The following DCLK1 variants were observed in gnomAD, a reference collection of about 807,000 sequenced individuals.
DCLK1 encodes serine/threonine-protein kinase DCLK1.
Under a neutral mutation model 86.2 loss-of-function variants are expected in DCLK1, and 16 were observed. That is an observed-to-expected ratio of 0.19 (90% confidence interval 0.13 to 0.28). DCLK1 has a LOEUF of 0.28. Among genes scored for constraint, DCLK1 ranks in the 10% least tolerant of loss-of-function variants. DCLK1 has a pLI of 1.00. For synonymous variants in DCLK1, 369 were observed against 370.5 expected, an observed-to-expected ratio of 1.00 and a Z score of 0.05; for missense variants, 590 against 940.2, an observed-to-expected ratio of 0.63 and a Z score of 4.87.
At chr13:36,119,101 G>C (rs980520803) in intron 2 of DCLK1, among the ~76,000 whole-genome samples, 5 of 152,124 alleles carry the variant, frequency 3.3e-5, no homozygotes, top group African/African-American at 1.2e-4. Context: ...TGGAACATGA[G>C]AGAAAGAATG....
chr13:35,856,260 T>C (rs1404382783), intron 5 of DCLK1, among the ~76,000 whole-genome samples: 1 of 152,166 alleles, frequency 6.6e-6, no homozygotes, highest in Non-Finnish European at 1.5e-5. Context: ...CTTTGCTGAG[T>C]GAACTTCACG....
chr13:36,083,702 T>C (rs1018684447), intron 3 of DCLK1, among the ~76,000 whole-genome samples: 25 of 152,320 alleles, frequency 1.6e-4, no homozygotes, highest in African/African-American at 6.0e-4. Flanking sequence ...AGTTTTCCCA[T>C]TCATTTTTTA....
rs1210704864 is a variant in DCLK1 at position 36,025,512 on chromosome 13, G to A, written c.724-78055C>T. ...TCATTGATTAATTGATAAACAAAAC[G>A]TGGTATATTTATTCAGTGGAATGTT... On this transcript the variant is annotated intron_variant, in intron 3 of 16. Transcript: ENST00000360631. 3.9e-5 allele frequency among the ~76,000 whole-genome samples: 6 copies of A among 152,278 alleles called. No homozygotes were observed. The South Asian group carries it at 6.2e-4, about 16-fold the overall frequency.
chr13:35,880,016 A>G (rs1189854924), intron 4 of DCLK1, among the ~76,000 whole-genome samples: 1 of 152,188 alleles, frequency 6.6e-6, no homozygotes, highest in African/African-American at 2.4e-5. Flanking sequence ...GGGGCCCTCA[A>G]TTAACTCTTA....
chr13:35,795,079 C>A (rs1428282784), intron 15 of DCLK1, among the ~76,000 whole-genome samples: 4 of 152,172 alleles, frequency 2.6e-5, no homozygotes, highest in African/African-American at 7.2e-5. Context: ...CTGGATGGCT[C>A]AGCTAGATTC....
intron 13 of DCLK1, among the ~76,000 whole-genome samples, 178 bp from the exon 14 acceptor site, chr13:35,808,498 T>C (rs969286011): frequency 1.3e-5 from 2 of 152,154 alleles, no homozygotes; most frequent in African/African-American, 4.8e-5. Context: ...GAAAGAGTTT[T>C]TGGGCCGGGT....
chr13:36,091,227 T>C (rs1884815897), intron 3 of DCLK1, among the ~76,000 whole-genome samples: 1 of 152,158 alleles, frequency 6.6e-6, no homozygotes, highest in Non-Finnish European at 1.5e-5. Context: ...TTTGTTGCAA[T>C]TGCTTTTGGT....
intron 3 of DCLK1, 116 bp from the exon 4 acceptor site, chr13:35,947,573 C>A: frequency 1.5e-6 from 1 of 667,744 alleles, no homozygotes. Context: ...ATCAACAGGG[C>A]AGCTTCCACA....
intron 3 of DCLK1, among the ~76,000 whole-genome samples, chr13:36,000,123 T>C (rs1285914526): frequency 2.0e-5 from 3 of 152,194 alleles, no homozygotes; most frequent in African/African-American, 7.2e-5. Context: ...GCCTGCCCTA[T>C]TCCCTCAGTT....
Position 35,836,437 on chromosome 13 carries a change from A to G in DCLK1, c.1121-296T>C, listed in dbSNP as rs116412190. Reference sequence around the variant, plus strand: ...CTCAGGAGGAAGCTTTGCTCCTTTTACTTCACGCCAATTTGATCAATAGTG... The same window carrying G: ...CTCAGGAGGAAGCTTTGCTCCTTTTGCTTCACGCCAATTTGATCAATAGTG... On this transcript the variant is annotated intron_variant, in intron 7 of 16. Coordinates refer to ENST00000360631, the MANE Select transcript of DCLK1 (RefSeq NM_001330071.2). Among the ~76,000 whole-genome samples the G allele has an allele frequency of 3.0e-3, 454 of 152,310 alleles. 4 individuals are homozygous for G. Among genetic ancestry groups the G allele is most frequent in the African/African-American group, 0.01 (429 of 41,572 alleles).
intron 4 of DCLK1, among the ~76,000 whole-genome samples, chr13:35,878,775 T>C (rs1429339236): frequency 6.8e-6 from 1 of 147,158 alleles, no homozygotes; most frequent in Non-Finnish European, 1.5e-5. Flanking sequence ...ACACTTACTA[T>C]GTAACCATAA....
chr13:35,991,984 A>G (rs1183103796), intron 3 of DCLK1, among the ~76,000 whole-genome samples: 1 of 152,184 alleles, frequency 6.6e-6, no homozygotes, highest in Non-Finnish European at 1.5e-5. Flanking sequence ...AAAAGCCTAA[A>G]TGACATATTT....
At chr13:35,987,752 G>C (rs1422576792) in intron 3 of DCLK1, among the ~76,000 whole-genome samples, 2 of 152,182 alleles carry the variant, frequency 1.3e-5, no homozygotes, top group Non-Finnish European at 2.9e-5. Flanking sequence ...AGCCAAGATA[G>C]AGTCCCAGTC....
At chr13:36,069,449 G>C (rs1371029335) in intron 3 of DCLK1, among the ~76,000 whole-genome samples, 1 of 152,146 alleles carries the variant, frequency 6.6e-6, no homozygotes. Context: ...AATTGATTTT[G>C]TTTTTCACCC....
At chr13:35,926,923 C>A (rs1216140317) in intron 4 of DCLK1, among the ~76,000 whole-genome samples, 2 of 152,200 alleles carry the variant, frequency 1.3e-5, no homozygotes, top group African/African-American at 4.8e-5. Context: ...TAGGCTGATG[C>A]TGATGTACTG....
chr13:35,948,209 G>T (rs181666032), intron 3 of DCLK1, among the ~76,000 whole-genome samples: 2 of 152,184 alleles, frequency 1.3e-5, no homozygotes, highest in African/African-American at 4.8e-5. Flanking sequence ...CAAGCATCTT[G>T]CTCTCTGTCT....
chr13:35,997,405 T>C (rs149661784), intron 3 of DCLK1, among the ~76,000 whole-genome samples: 55 of 152,342 alleles, frequency 3.6e-4, no homozygotes, highest in Non-Finnish European at 6.8e-4. Flanking sequence ...AAACTTGCTT[T>C]GGAGGCAAAG....
At position 35,771,113 on chromosome 13, in the gene DCLK1, A is replaced by C. The variant is rs1475887502; in HGVS notation, c.*3422T>G. 6.6e-6 allele frequency: 1 copy of C among 152,208 alleles called. No individual in the cohort carries two copies. Among genetic ancestry groups the C allele is most frequent in the Admixed American group, 6.5e-5 (1 of 15,284 alleles). 9.4% of individuals were successfully genotyped at this position (152,208 alleles called of 1,614,324 possible). A position where few individuals can be genotyped will look rare whatever the true frequency, so the allele number is the denominator to read the frequency against. On this transcript the variant is annotated 3_prime_UTR_variant, in exon 17 of 17. Coordinates refer to ENST00000360631, the MANE Select transcript of DCLK1 (RefSeq NM_001330071.2). ...CGCCCTTGGCCAGTAAACAACCATG[A>C]TTTAATGTGCTTGAGACTTGGTCAT...
chr13:35,797,664 AAC>A lies in DCLK1; in HGVS notation c.1945-4187_1945-4186del, dbSNP rs146313598. Among the ~76,000 whole-genome samples, 175 of 150,946 alleles carry A rather than the reference AAC, an allele frequency of 1.2e-3. 3 individuals carry two copies. The highest frequency in any genetic ancestry group is 1.1e-3 in the Non-Finnish European group (71 of 67,580). Reference sequence around the variant, plus strand: ...GGAGTAGGTAAAACACATACATGTAAACACACACACACACACACCCCATGACA... The same window carrying A: ...GGAGTAGGTAAAACACATACATGTAAACACACACACACACACCCCATGACA... On this transcript the variant is annotated intron_variant, in intron 15 of 16. Coordinates refer to ENST00000360631, the MANE Select transcript of DCLK1 (RefSeq NM_001330071.2).
Sources: allele counts gnomAD v4.1 joint callset (sites outside exome capture counted in the v4.1 genomes callset), GRCh38; gene constraint gnomAD v4.1.1; transcripts MANE v1.5; gene names NCBI Gene and HGNC (gene_info 2026-07-23, HGNC 2026-07-21).